Variants in ASH1L observed in about 807,000 individuals in gnomAD.
ASH1L encodes histone-lysine N-methyltransferase ASH1L.
A neutral mutation model predicts 269.0 loss-of-function variants in ASH1L; 23 were observed. The observed-to-expected ratio is 0.09, with a 90% CI of 0.06 to 0.12. ASH1L has a LOEUF of 0.12. Among genes scored for constraint, ASH1L ranks in the 10% least tolerant of loss-of-function variants. The pLI, the probability that ASH1L is intolerant of heterozygous loss-of-function variation, is 1.00. For synonymous variants in ASH1L, 1,187 were observed against 1,253.5 expected (o/e 0.95, Z 1.12); for missense variants, 2,912 against 3,567.8 (o/e 0.82, Z 4.68).
At chr1:155,383,118 C>T (rs1320398397) in intron 7 of ASH1L, among the ~76,000 whole-genome samples, 1 of 152,180 alleles carries the variant, frequency 6.6e-6, no homozygotes, top group Non-Finnish European at 1.5e-5. Context: ...TTTTCTTGTA[C>T]AGCTGTACAA....
intron 25 of ASH1L, 131 bp downstream of exon 25, chr1:155,341,805 A>C: frequency 1.1e-6 from 1 of 897,040 alleles, no homozygotes; most frequent in Non-Finnish European, 1.8e-6. Flanking sequence ...AAATAGAGAC[A>C]GAGATATCCA....
Position 155,533,796 on chromosome 1 carries a change from C to A in ASH1L, c.-99-12178G>T, listed in dbSNP as rs80031569. Among the ~76,000 whole-genome samples the A allele has an allele frequency of 5.8e-3, 877 of 152,062 alleles. 11 individuals carry two copies. Among genetic ancestry groups the A allele is most frequent in the African/African-American group, 0.021 (859 of 41,498 alleles). ...TCTGCTACATTTGGCATATTTGCTA[C>A]GTTTGAAACTCTTTGGTTTCTATGA... On this transcript the variant is annotated intron_variant, in intron 1 of 27. Coordinates refer to ENST00000392403, the MANE Select transcript of ASH1L (RefSeq NM_018489.3).
rs1343170212 is a variant in ASH1L at position 155,481,220 on chromosome 1, T to C, written c.1650A>G (p.Val550=). 6.2e-7 allele frequency: 1 copy of C among 1,614,116 alleles called. No homozygotes were observed. The highest frequency in any genetic ancestry group is 1.7e-5 in the Admixed American group (1 of 60,016). The change falls in exon 3 of 28, where the codon GTA becomes GTG. Residue 550 remains valine, a synonymous_variant. Transcript: ENST00000392403. Reference sequence around the variant, plus strand: ...ATGGGGAAGGGAGATTGCTTTCTCCTACTGCACTGAATGGGGATTTAGCGG... The same window carrying C: ...ATGGGGAAGGGAGATTGCTTTCTCCCACTGCACTGAATGGGGATTTAGCGG... The part of the protein sequence containing the change: ...VSTAKSPFSA[V]GESNLPSPSP...
chr1:155,438,320 G>T lies in ASH1L; in HGVS notation c.5828+7C>A, dbSNP rs746868378. ...CTACTCAGATAATATGTTAAATGAG[G>T]AATTACCTTTTATTATTCTCTTGCT... On this transcript the variant is annotated splice_region_variant and intron_variant, in intron 5 of 27. Transcript: ENST00000392403. 2 of 1,537,684 alleles carry T rather than the reference G, an allele frequency of 1.3e-6. No homozygotes were observed. Among genetic ancestry groups the T allele is most frequent in the South Asian group, 1.3e-5 (1 of 76,700 alleles).
chr1:155,483,138 T>C (rs1666070741), intron 2 of ASH1L, among the ~76,000 whole-genome samples: 1 of 152,198 alleles, frequency 6.6e-6, no homozygotes, highest in Non-Finnish European at 1.5e-5. Context: ...ATGAATTCAC[T>C]ACTTCACACA....
chr1:155,407,444 A>T (rs1182433342), intron 6 of ASH1L, among the ~76,000 whole-genome samples: 1 of 152,172 alleles, frequency 6.6e-6, no homozygotes, highest in East Asian at 1.9e-4. Flanking sequence ...TACCCTTAAG[A>T]TATACCTCCA....
At position 155,344,173 on chromosome 1, in the gene ASH1L, G is replaced by A; in HGVS notation, c.7981+10C>T. Reference sequence around the variant, plus strand: ...CCTCTGACAAGTAGGATTAGCTCCTGTATACATACCCTGACGAAGCAGCAA... The same window carrying A: ...CCTCTGACAAGTAGGATTAGCTCCTATATACATACCCTGACGAAGCAGCAA... On this transcript the variant is annotated intron_variant, in intron 22 of 27. Transcript: ENST00000392403. 6.2e-7 allele frequency: 1 copy of A among 1,612,896 alleles called. No homozygotes were observed.
At chr1:155,452,891 C>T (rs961671388) in intron 4 of ASH1L, among the ~76,000 whole-genome samples, 4 of 152,138 alleles carry the variant, frequency 2.6e-5, no homozygotes, top group African/African-American at 9.7e-5. Flanking sequence ...TCATAATTGT[C>T]CCCAAGGACT....
intron 2 of ASH1L, among the ~76,000 whole-genome samples, chr1:155,488,668 CAAAAAAAAAAAAAA>C (rs371829476): frequency 5.5e-4 from 16 of 29,190 alleles, no homozygotes; most frequent in East Asian, 1.0e-3. Context: ...GACTCTGTCA[CAAAAAAAAAAAAAA>C]AAAAAAAAAA....
intron 1 of ASH1L, among the ~76,000 whole-genome samples, chr1:155,534,800 CAATG>C (rs1053408828): frequency 1.3e-5 from 2 of 152,090 alleles, no homozygotes; most frequent in African/African-American, 4.8e-5. Flanking sequence ...CCTGGAAGAA[CAATG>C]AAGAACAATT....
At position 155,562,706 on chromosome 1, in the gene ASH1L, A is replaced by G. The variant is rs746539385; in HGVS notation, c.-653T>C. The G allele has an allele frequency of 1.3e-6, 2 of 1,481,872 alleles. No individual in the cohort carries two copies. The highest frequency in any genetic ancestry group is 1.8e-6 in the Non-Finnish European group (2 of 1,102,696). 91.8% of individuals were successfully genotyped at this position (1,481,872 alleles called of 1,614,324 possible). On this transcript the variant is annotated 5_prime_UTR_variant, in exon 1 of 28. Transcript: ENST00000392403. ...CAGCCCGTACGCGCTCACCCACAGG[A>G]ACCCCCTCGTCCAGTCCCTCACTAC...
intron 2 of ASH1L, among the ~76,000 whole-genome samples, chr1:155,493,020 T>C (rs1226389807): frequency 6.6e-6 from 1 of 152,172 alleles, no homozygotes; most frequent in Non-Finnish European, 1.5e-5. Flanking sequence ...ACTCACTTTG[T>C]TGCCCAGGCT....
chr1:155,353,099 G>C (rs565083566), intron 16 of ASH1L, among the ~76,000 whole-genome samples: 1 of 152,196 alleles, frequency 6.6e-6, no homozygotes, highest in Non-Finnish European at 1.5e-5. Context: ...TATAGCAGTT[G>C]TAAGTCTGGG....
intron 6 of ASH1L, among the ~76,000 whole-genome samples, chr1:155,405,298 C>A (rs1483520256): frequency 6.6e-6 from 1 of 151,760 alleles, no homozygotes; most frequent in Non-Finnish European, 1.5e-5. Flanking sequence ...GCCTGGCCAA[C>A]ATGGTGAAAC....
intron 1 of ASH1L, among the ~76,000 whole-genome samples, chr1:155,554,493 A>G (rs1044211642): frequency 3.3e-5 from 5 of 152,212 alleles, no homozygotes; most frequent in Non-Finnish European, 7.4e-5. Context: ...GCTGGTCTCA[A>G]ACTCCCAATC....
chr1:155,465,000 T>A (rs530202123), intron 3 of ASH1L, among the ~76,000 whole-genome samples: 2 of 152,108 alleles, frequency 1.3e-5, no homozygotes, highest in Non-Finnish European at 1.5e-5. Flanking sequence ...CAAGAACCTG[T>A]TTTCAAATTG....
intron 1 of ASH1L, among the ~76,000 whole-genome samples, chr1:155,551,190 CAG>C (rs1671173917): frequency 1.3e-5 from 2 of 152,066 alleles, no homozygotes; most frequent in African/African-American, 4.8e-5. Context: ...TGATTCTTAA[CAG>C]ATGATTTAAT....
At chr1:155,428,163 G>T (rs1189740018) in intron 5 of ASH1L, among the ~76,000 whole-genome samples, 1 of 152,184 alleles carries the variant, frequency 6.6e-6, no homozygotes, top group Non-Finnish European at 1.5e-5. Context: ...TTAAGTCTGG[G>T]TGCAGTGGCT....
Position 155,525,459 on chromosome 1 carries a change from G to T in ASH1L, c.-99-3841C>A, listed in dbSNP as rs564726027. On this transcript the variant is annotated intron_variant, in intron 1 of 27. Coordinates refer to ENST00000392403, the MANE Select transcript of ASH1L (RefSeq NM_018489.3). ...TAAATTACAATGCAGAAGTATTAAT[G>T]GGCTTGATTAAGTTAGTAAAGGATG... Among the ~76,000 whole-genome samples the T allele has an allele frequency of 4.6e-5, 7 of 151,432 alleles. No individual in the cohort carries two copies. The South Asian group carries it at 1.5e-3, about 32-fold the overall frequency.
Sources: allele counts gnomAD v4.1 joint callset (sites outside exome capture counted in the v4.1 genomes callset), GRCh38; gene constraint gnomAD v4.1.1; transcripts MANE v1.5; gene names NCBI Gene and HGNC (gene_info 2026-07-23, HGNC 2026-07-21).